EPB41L4A: variants seen among roughly 807,000 people sequenced by gnomAD.
EPB41L4A encodes the protein erythrocyte membrane protein band 4.1 like 4A.
Under a neutral mutation model 108.6 loss-of-function variants are expected in EPB41L4A, and 100 were observed. That is an observed-to-expected ratio of 0.92 (90% CI 0.78 to 1.09). The LOEUF (loss-of-function observed/expected upper bound fraction) is 1.09, where lower values mean the gene tolerates loss of function less well. Ranked by LOEUF, EPB41L4A falls within the 50% of genes least tolerant of loss-of-function variation. The pLI is 0.00. For missense variants in EPB41L4A, 1,030 were observed against 842.7 expected, an observed-to-expected ratio of 1.22 and a Z score of -2.75; for synonymous variants, 319 against 289.0, an observed-to-expected ratio of 1.10 and a Z score of -1.05.
At chr5:112,162,093 TTAAAATG>T (rs1360284132), downstream of EPB41L4A, 1 of 152,266 alleles carries the variant, frequency 6.6e-6, no homozygotes, top group Non-Finnish European at 1.5e-5. Context: ...AAGTTCTTGA[TTAAAATG>T]TAATACAAAA....
intron 2 of EPB41L4A, among the ~76,000 whole-genome samples, chr5:112,294,124 T>C (rs1309554959): frequency 1.3e-5 from 2 of 152,216 alleles, no homozygotes; most frequent in East Asian, 3.8e-4. Context: ...ACATTAAAAA[T>C]ATCCTGTACC....
intron 15 of EPB41L4A, among the ~76,000 whole-genome samples, chr5:112,202,376 G>T (rs528202013): frequency 6.6e-6 from 1 of 152,264 alleles, no homozygotes; most frequent in East Asian, 1.9e-4. Context: ...AAAGCAGCTA[G>T]ATCTCTTGAG....
chr5:112,233,987 C>A (rs958656963), intron 12 of EPB41L4A, among the ~76,000 whole-genome samples: 2 of 151,586 alleles, frequency 1.3e-5, no homozygotes, highest in African/African-American at 2.4e-5. Flanking sequence ...AGCCATTGTG[C>A]CCAGCCAAGA....
chr5:112,187,924 T>C (rs554652702), intron 17 of EPB41L4A, among the ~76,000 whole-genome samples: 2 of 152,336 alleles, frequency 1.3e-5, no homozygotes, highest in South Asian at 4.1e-4. Flanking sequence ...TCAGAGACCT[T>C]GGACAAACTG....
chr5:112,268,902 C>T (rs1452283232), intron 4 of EPB41L4A, among the ~76,000 whole-genome samples: 1 of 143,576 alleles, frequency 7.0e-6, no homozygotes, highest in Non-Finnish European at 1.5e-5. Flanking sequence ...AAATCTTTTG[C>T]CAAATACAGA....
chr5:112,352,311 A>G (rs1758097168), intron 1 of EPB41L4A, among the ~76,000 whole-genome samples: 1 of 152,160 alleles, frequency 6.6e-6, no homozygotes, highest in South Asian at 2.1e-4. Context: ...AGGTTTTGGT[A>G]TGTCAAGTTT....
intron 6 of EPB41L4A, 156 bp downstream of exon 6, chr5:112,264,740 C>T (rs772178137): frequency 4.6e-6 from 3 of 649,068 alleles, no homozygotes; most frequent in Non-Finnish European, 7.1e-6. Context: ...TTTCGATGAG[C>T]ATTTTAGAGT....
intron 9 of EPB41L4A, chr5:112,257,132 T>TA (rs1751154771): frequency 6.6e-6 from 1 of 152,126 alleles, no homozygotes; most frequent in African/African-American, 2.4e-5. Flanking sequence ...AATTTGTGAG[T>TA]ACAGTTAGGC....
intron 15 of EPB41L4A, among the ~76,000 whole-genome samples, chr5:112,196,484 T>G (rs1300684081): frequency 1.3e-5 from 2 of 152,218 alleles, no homozygotes; most frequent in Admixed American, 1.3e-4. Flanking sequence ...ATTTCCATTC[T>G]TCCTTTTCTT....
chr5:112,174,593 C>T (rs1294906696), intron 18 of EPB41L4A, among the ~76,000 whole-genome samples: 1 of 152,112 alleles, frequency 6.6e-6, no homozygotes, highest in East Asian at 1.9e-4. Flanking sequence ...AACCCTGAAA[C>T]AAACATATCA....
At chr5:112,230,762 C>A (rs535324058) in intron 12 of EPB41L4A, among the ~76,000 whole-genome samples, 1 of 152,130 alleles carries the variant, frequency 6.6e-6, no homozygotes, top group East Asian at 1.9e-4. Flanking sequence ...GTTTTTGTTG[C>A]ATTTGTTTTT....
chr5:112,388,609 A>G (rs1231427733), intron 1 of EPB41L4A, among the ~76,000 whole-genome samples: 2 of 151,894 alleles, frequency 1.3e-5, no homozygotes, highest in Non-Finnish European at 2.9e-5. Context: ...TGTATGAAAA[A>G]CCTCAAATGC....
chr5:112,259,020 T>TAAATCTA (rs911366733), intron 9 of EPB41L4A, among the ~76,000 whole-genome samples: 8 of 152,228 alleles, frequency 5.3e-5, no homozygotes, highest in African/African-American at 1.9e-4. Flanking sequence ...TTTCCTTTGC[T>TAAATCTA]AAATCTAAAA....
rs142179397 is a variant in EPB41L4A at position 112,170,203 on chromosome 5, CAAATT to C, written c.1739+93_1739+97del. Reference sequence around the variant, plus strand: ...CCTAGTTTTGTTTAAAATGTAAAGACAAATTAAAGCACTGTCTGGAACACAATTGA... The same window carrying C: ...CCTAGTTTTGTTTAAAATGTAAAGACAAAGCACTGTCTGGAACACAATTGA... On this transcript the variant is annotated intron_variant, in intron 20 of 22. Coordinates refer to ENST00000261486, the MANE Select transcript of EPB41L4A (RefSeq NM_022140.5). 0.012 allele frequency: 14,814 copies of C among 1,237,492 alleles called. 1,334 individuals carry two copies. In the African/African-American group the frequency reaches 0.19, roughly 16 times the overall value. 76.7% of individuals were successfully genotyped at this position (1,237,492 alleles called of 1,614,324 possible). A position where few individuals can be genotyped will look rare whatever the true frequency, so the allele number is the denominator to read the frequency against.
intron 2 of EPB41L4A, among the ~76,000 whole-genome samples, chr5:112,297,948 T>G (rs1328788512): frequency 6.6e-6 from 1 of 152,150 alleles, no homozygotes; most frequent in Non-Finnish European, 1.5e-5. Flanking sequence ...AGTATTTGGG[T>G]TAATTTCTGG....
At chr5:112,219,540 T>G (rs1481420253) in intron 12 of EPB41L4A, among the ~76,000 whole-genome samples, 1 of 152,158 alleles carries the variant, frequency 6.6e-6, no homozygotes, top group Non-Finnish European at 1.5e-5. Context: ...TACTTCTCTA[T>G]GACAAAATAT....
At chr5:112,152,508 G>A (rs1759507203) in intron 12 of EPB41L4A, among the ~76,000 whole-genome samples, 1 of 152,156 alleles carries the variant, frequency 6.6e-6, no homozygotes, top group South Asian at 2.1e-4. Flanking sequence ...GCTTGAGGGA[G>A]CCTGTTAGCC....
intron 19 of EPB41L4A, 77 bp from the exon 20 acceptor site, chr5:112,170,446 G>C (rs1760510458): frequency 1.1e-6 from 1 of 941,610 alleles, no homozygotes; most frequent in Non-Finnish European, 1.7e-6. Context: ...CGGCAGGTGA[G>C]TTTTCCCTTT....
At chr5:112,287,105 C>T (rs1561541256) in intron 2 of EPB41L4A, among the ~76,000 whole-genome samples, 1 of 152,194 alleles carries the variant, frequency 6.6e-6, no homozygotes, top group African/African-American at 2.4e-5. Flanking sequence ...TCATACCTCA[C>T]ATCAAGGCTC....
Sources: gnomAD v4.1 joint callset for allele counts (sites outside exome capture counted in the v4.1 genomes callset) on GRCh38, gnomAD v4.1.1 for gene constraint, MANE v1.5 for transcripts, NCBI Gene and HGNC (gene_info 2026-07-23, HGNC 2026-07-21) for gene names.